Variants in TMEM87A observed in about 807,000 individuals in gnomAD.
TMEM87A encodes transmembrane protein 87A.
In TMEM87A, 50 loss-of-function variants were observed where a neutral mutation model predicts 90.0. The observed-to-expected ratio is 0.56, with a 90% CI of 0.44 to 0.70. The LOEUF is 0.70. TMEM87A is among the 30% of genes least tolerant of loss of function. The pLI, the probability that TMEM87A is intolerant of heterozygous loss-of-function variation, is 0.00. For synonymous variants in TMEM87A, 226 were observed against 226.7 expected (o/e 1.00, Z 0.03); for missense variants, 577 against 660.5 (o/e 0.87, Z 1.39).
chr15:42,214,484 G>T (rs2050348823), intron 19 of TMEM87A, among the ~76,000 whole-genome samples: 1 of 152,086 alleles, frequency 6.6e-6, no homozygotes. Context: ...CACATACTAT[G>T]ACCAAGTGGA....
chr15:42,270,659 G>C (rs1000375057), intron 2 of TMEM87A, among the ~76,000 whole-genome samples: 4 of 152,074 alleles, frequency 2.6e-5, no homozygotes, highest in South Asian at 4.1e-4. Flanking sequence ...GAGAAAAAAA[G>C]ACTGGACCTA....
rs142951720 is a variant in TMEM87A at position 42,239,658 on chromosome 15, A to G, written c.684+12T>C. ...ATCCAATACTGAGGTTAAATAATAT[A>G]AAGTCACTTACAATCATCAAGGGAT... is the stretch of plus-strand genomic sequence containing the variant. On this transcript the variant is annotated intron_variant, in intron 8 of 19. Transcript: ENST00000389834. 4,589 of 1,609,992 alleles carry G rather than the reference A, an allele frequency of 2.9e-3. 9 individuals carry two copies. Among genetic ancestry groups the G allele is most frequent in the Non-Finnish European group, 3.6e-3 (4,274 of 1,176,242 alleles).
chr15:42,247,640 G>C (rs148143256), intron 6 of TMEM87A, among the ~76,000 whole-genome samples: 1 of 152,056 alleles, frequency 6.6e-6, no homozygotes, highest in Non-Finnish European at 1.5e-5. Flanking sequence ...TGTTCCATTG[G>C]TCTATATGTC....
At chr15:42,258,155 T>A in intron 6 of TMEM87A, 1 of 975,402 alleles carries the variant, frequency 1.0e-6, no homozygotes, top group Non-Finnish European at 1.2e-6. Context: ...TAAGACACTA[T>A]ACAAGCATTT....
chr15:42,261,296 G>A (rs976057251), intron 4 of TMEM87A, 47 bp from the exon 5 acceptor site: 2 of 1,534,632 alleles, frequency 1.3e-6, no homozygotes, highest in East Asian at 4.5e-5. Flanking sequence ...GTAAATACTA[G>A]AAGAAAAGTG....
At chr15:42,223,803 A>G (rs1176607603) in intron 15 of TMEM87A, among the ~76,000 whole-genome samples, 1 of 152,260 alleles carries the variant, frequency 6.6e-6, no homozygotes, top group Non-Finnish European at 1.5e-5. Flanking sequence ...AAAAGTAACA[A>G]TATTAATTCT....
At chr15:42,252,889 A>C (rs2051111621) in intron 6 of TMEM87A, among the ~76,000 whole-genome samples, 1 of 152,182 alleles carries the variant, frequency 6.6e-6, no homozygotes, top group Non-Finnish European at 1.5e-5. Context: ...TGAATGTTAT[A>C]AAGTGGCAAC....
At chr15:42,272,209 C>A in intron 1 of TMEM87A, 86 bp from the exon 2 acceptor site, 1 of 965,288 alleles carries the variant, frequency 1.0e-6, no homozygotes. Context: ...CTAGAAATTC[C>A]AACTTAACTT....
At position 42,267,878 on chromosome 15, in the gene TMEM87A, T is replaced by C. The variant is rs1009411248; in HGVS notation, c.291+69A>G. 5 of 1,281,176 alleles carry C rather than the reference T, an allele frequency of 3.9e-6. No homozygotes were observed. The African/African-American group carries it at 4.5e-5, about 11-fold the overall frequency. The allele number at this position is 1,281,176 out of a possible 1,614,324, so 79.4% of individuals were successfully genotyped here. Reference sequence around the variant, plus strand: ...TAGCTACATGATACTCTTTCCTCTATGAAATTAAGAGACTGGAACCAGATA... The same window carrying C: ...TAGCTACATGATACTCTTTCCTCTACGAAATTAAGAGACTGGAACCAGATA... On this transcript the variant is annotated intron_variant, in intron 3 of 19. Transcript: ENST00000389834.
Position 42,264,699 on chromosome 15 carries a change from A to ATATATATATATATTTTTTTT in TMEM87A, c.292-497_292-496insAAAAAAAATATATATATATA, listed in dbSNP as rs10681614. 5.5e-5 allele frequency among the ~76,000 whole-genome samples: 6 copies of ATATATATATATATTTTTTTT among 109,432 alleles called. No homozygotes were observed. The South Asian group carries it at 9.1e-4, about 17-fold the overall frequency. 71.8% of individuals were successfully genotyped at this position (109,432 alleles called of 152,430 possible). A position where few individuals can be genotyped will look rare whatever the true frequency, so the allele number is the denominator to read the frequency against. ...TATGTGTGTGTATATATATATATAT[A>ATATATATATATATTTTTTTT]TTTTTTTTTTAACTTTTATTTTAGG... On this transcript the variant is annotated intron_variant, in intron 3 of 19. Coordinates refer to ENST00000389834, the MANE Select transcript of TMEM87A (RefSeq NM_015497.5).
At chr15:42,269,331 CAACCTAATTAT>C (rs2051466909) in intron 2 of TMEM87A, among the ~76,000 whole-genome samples, 1 of 152,110 alleles carries the variant, frequency 6.6e-6, no homozygotes, top group Non-Finnish European at 1.5e-5. Context: ...ACAAAAGAAG[CAACCTAATTAT>C]AAGCTTCCTT....
At chr15:42,220,492 T>C (rs1039587438) in intron 15 of TMEM87A, among the ~76,000 whole-genome samples, 12 of 152,204 alleles carry the variant, frequency 7.9e-5, no homozygotes, top group African/African-American at 2.2e-4. Context: ...CTTAGAACAA[T>C]ACCTGTCACA....
chr15:42,247,424 A>G (rs570103273), intron 6 of TMEM87A, among the ~76,000 whole-genome samples: 1 of 152,310 alleles, frequency 6.6e-6, no homozygotes, highest in Admixed American at 6.5e-5. Context: ...TTTTAGGTCT[A>G]ACATTTAAGT....
chr15:42,211,446 C>T lies in TMEM87A; in HGVS notation c.*262G>A. ...GAACAACACACTTAAGTTGCATGAA[C>T]ATCCATGTCAGAGTCTGGGAGGAAA... On this transcript the variant is annotated 3_prime_UTR_variant, in exon 20 of 20. Coordinates refer to ENST00000389834, the MANE Select transcript of TMEM87A (RefSeq NM_015497.5). 5.3e-6 allele frequency: 2 copies of T among 374,516 alleles called. No individual in the cohort carries two copies. 23.2% of individuals were successfully genotyped at this position (374,516 alleles called of 1,614,324 possible). A position where few individuals can be genotyped will look rare whatever the true frequency, so the allele number is the denominator to read the frequency against.
chr15:42,216,813 T>C (rs1488701886), intron 19 of TMEM87A, among the ~76,000 whole-genome samples: 1 of 151,896 alleles, frequency 6.6e-6, no homozygotes, highest in Admixed American at 6.6e-5. Context: ...TTCAACACAA[T>C]GAATCAGAAT....
At chr15:42,242,236 G>A (rs2050885792) in intron 7 of TMEM87A, among the ~76,000 whole-genome samples, 2 of 152,186 alleles carry the variant, frequency 1.3e-5, no homozygotes, top group South Asian at 4.1e-4. Context: ...GTAGTTGGAA[G>A]TGCTGTCCCT....
chr15:42,273,582 A>G, upstream of TMEM87A: 2 of 1,045,174 alleles, frequency 1.9e-6, no homozygotes, highest in South Asian at 1.6e-5. Flanking sequence ...CTTTGGACCT[A>G]CTGCGCAGGC....
chr15:42,232,649 A>ATT (rs1310056123), intron 11 of TMEM87A, among the ~76,000 whole-genome samples: 1 of 140,500 alleles, frequency 7.1e-6, no homozygotes. Flanking sequence ...AATTTCTCGT[A>ATT]TTTTTTTTTT....
chr15:42,216,487 T>C (rs933429299), intron 19 of TMEM87A, among the ~76,000 whole-genome samples: 9 of 152,196 alleles, frequency 5.9e-5, no homozygotes, highest in African/African-American at 1.4e-4. Context: ...CAAATTACTA[T>C]AGCAAACTTG....
Sources: gnomAD v4.1 joint callset for allele counts (sites outside exome capture counted in the v4.1 genomes callset) on GRCh38, gnomAD v4.1.1 for gene constraint, MANE v1.5 for transcripts, NCBI Gene and HGNC (gene_info 2026-07-23, HGNC 2026-07-21) for gene names.